The following NUP98 variants were observed in gnomAD, a reference collection of about 807,000 sequenced individuals.
NUP98 encodes the protein nucleoporin 98 and 96 precursor.
In NUP98, 26 loss-of-function variants were observed where a neutral mutation model predicts 191.9. That is an observed-to-expected ratio of 0.14 (90% confidence interval 0.10 to 0.19). The LOEUF is 0.19. Ranked by LOEUF, NUP98 falls within the 10% of genes least tolerant of loss-of-function variation. The pLI, the probability that NUP98 is intolerant of heterozygous loss-of-function variation, is 1.00. For synonymous variants in NUP98, 808 were observed against 778.4 expected (o/e 1.04, Z -0.63); for missense variants, 1,941 against 2,178.8 (o/e 0.89, Z 2.17).
At chr11:3,723,714 C>T (rs866082863) in intron 15 of NUP98, among the ~76,000 whole-genome samples, 35 of 147,090 alleles carry the variant, frequency 2.4e-4, no homozygotes, top group African/African-American at 8.3e-4. Flanking sequence ...TTTAAGATTA[C>T]AATCAACAAA....
At chr11:3,748,351 G>A (rs2080589701) in intron 11 of NUP98, among the ~76,000 whole-genome samples, 1 of 152,162 alleles carries the variant, frequency 6.6e-6, no homozygotes, top group Non-Finnish European at 1.5e-5. Context: ...GGATCACGAG[G>A]TCAGGAGTTC....
Position 3,705,377 on chromosome 11 carries a change from G to A in NUP98, c.2926-21C>T, listed in dbSNP as rs772430161. On this transcript the variant is annotated intron_variant, in intron 21 of 32. Transcript: ENST00000324932. ...ATGATCTAAAAAGGCAATATCTATA[G>A]AATGAATGTGCTTCCCAGAATCAAA... The A allele has an allele frequency of 7.5e-6, 12 of 1,609,194 alleles. No homozygotes were observed. The African/African-American group carries it at 1.3e-4, about 18-fold the overall frequency.
chr11:3,699,469 C>G, intron 24 of NUP98, 121 bp from the exon 25 acceptor site: 1 of 1,051,374 alleles, frequency 9.5e-7, no homozygotes, highest in South Asian at 1.5e-5. Context: ...AACAACCACT[C>G]AAGCTGATTA....
intron 10 of NUP98, among the ~76,000 whole-genome samples, chr11:3,758,132 A>G (rs921938586): frequency 2.0e-5 from 3 of 151,840 alleles, no homozygotes; most frequent in African/African-American, 4.8e-5. Flanking sequence ...CCTGGCTAAC[A>G]TGGAGAAACC....
At chr11:3,774,796 GGT>G (rs2133918960) in intron 5 of NUP98, among the ~76,000 whole-genome samples, 1 of 152,174 alleles carries the variant, frequency 6.6e-6, no homozygotes, top group East Asian at 1.9e-4. Context: ...GATTCCTGCT[GGT>G]ATTGCCAGTT....
chr11:3,700,007 G>C (rs953551974), intron 24 of NUP98, among the ~76,000 whole-genome samples: 2 of 152,218 alleles, frequency 1.3e-5, no homozygotes, highest in African/African-American at 4.8e-5. Context: ...CAACAAAGCT[G>C]TTGAGAAGAC....
chr11:3,726,227 A>G (rs931073422), intron 14 of NUP98, among the ~76,000 whole-genome samples: 1 of 152,188 alleles, frequency 6.6e-6, no homozygotes, highest in Non-Finnish European at 1.5e-5. Context: ...AAAAGAGTTG[A>G]ACTAAAAGGA....
intron 23 of NUP98, 150 bp downstream of exon 23, chr11:3,702,313 A>ACTCTCTCTCTCTCT (rs71041375): frequency 3.4e-5 from 12 of 349,240 alleles, no homozygotes; most frequent in South Asian, 6.0e-5. Flanking sequence ...ACACACACAC[A>ACTCTCTCTCTCTCT]CTCTCTCTCT....
chr11:3,790,201 C>A (rs1444174291), intron 1 of NUP98, among the ~76,000 whole-genome samples: 1 of 152,152 alleles, frequency 6.6e-6, no homozygotes, highest in Non-Finnish European at 1.5e-5. Flanking sequence ...TGAACTGTTC[C>A]CTTCACGAAC....
chr11:3,759,504 G>A (rs2081091904), intron 10 of NUP98, among the ~76,000 whole-genome samples: 1 of 152,102 alleles, frequency 6.6e-6, no homozygotes, highest in African/African-American at 2.4e-5. Context: ...GGCTGAGGCA[G>A]GAGAATCGCT....
intron 18 of NUP98, among the ~76,000 whole-genome samples, chr11:3,719,075 A>G (rs1255659956): frequency 6.6e-6 from 1 of 151,804 alleles, no homozygotes; most frequent in Non-Finnish European, 1.5e-5. Context: ...AACTGACATC[A>G]TTCCACTGCG....
intron 28 of NUP98, among the ~76,000 whole-genome samples, chr11:3,688,592 C>T (rs1233672345): frequency 3.3e-5 from 5 of 150,736 alleles, no homozygotes; most frequent in South Asian, 2.1e-4. Flanking sequence ...GTCAGGAGTT[C>T]GAGACCAGCC....
At chr11:3,747,235 TC>T (rs1173695701) in intron 11 of NUP98, among the ~76,000 whole-genome samples, 3 of 152,136 alleles carry the variant, frequency 2.0e-5, no homozygotes, top group African/African-American at 7.2e-5. Flanking sequence ...CCTTAGAAAC[TC>T]CAAAGAAAAT....
chr11:3,768,763 A>G lies in NUP98; in HGVS notation c.785-19T>C, dbSNP rs776500573. The G allele has an allele frequency of 3.4e-6, 3 of 885,566 alleles. No individual in the cohort carries two copies. In the South Asian group the frequency reaches 9.2e-5, roughly 27 times the overall value. 54.9% of individuals were successfully genotyped at this position (885,566 alleles called of 1,614,324 possible). ...GTTGTACCTTTTAGGAAAAAGAAAA[A>G]AAAAAGAAAAAAGAAATAATAAAAA... On this transcript the variant is annotated intron_variant, in intron 7 of 32. Coordinates refer to ENST00000324932, the MANE Select transcript of NUP98 (RefSeq NM_016320.5).
Position 3,782,008 on chromosome 11 carries a change from G to T in NUP98, c.76+34C>A, listed in dbSNP as rs375839557. The stretch of plus-strand genomic sequence containing the variant: ...TTTGTTCTTAGTAAGGGAGATTAAG[G>T]TTTCTCCCTCTTTTGTCCTTTTTAA... On this transcript the variant is annotated intron_variant, in intron 2 of 32. Coordinates refer to ENST00000324932, the MANE Select transcript of NUP98 (RefSeq NM_016320.5). 9.6e-6 allele frequency: 14 copies of T among 1,465,794 alleles called. No individual in the cohort carries two copies. The Admixed American group carries it at 2.3e-4, about 24-fold the overall frequency. 90.8% of individuals were successfully genotyped at this position (1,465,794 alleles called of 1,614,324 possible). A position where few individuals can be genotyped will look rare whatever the true frequency, so the allele number is the denominator to read the frequency against.
chr11:3,723,458 G>A lies in NUP98; in HGVS notation c.1848-3C>T. On this transcript the variant is annotated splice_region_variant and splice_polypyrimidine_tract_variant and intron_variant, in intron 15 of 32. Coordinates refer to ENST00000324932, the MANE Select transcript of NUP98 (RefSeq NM_016320.5). ...CAGGTTTGCTTAGGAAACTAAATCT[G>A]CAAAGGAAAAGAAATAATACCTTAG... 4 of 1,612,076 alleles carry A rather than the reference G, an allele frequency of 2.5e-6. No homozygotes were observed. Among genetic ancestry groups the A allele is most frequent in the Non-Finnish European group, 3.4e-6 (4 of 1,178,604 alleles).
Position 3,760,777 on chromosome 11 carries a change from G to C in NUP98, c.1087-151C>G, listed in dbSNP as rs764043361. The C allele has an allele frequency of 3.1e-4, 184 of 594,410 alleles. No individual in the cohort carries two copies. In the African/African-American group the frequency reaches 3.2e-3, roughly 10 times the overall value. 36.8% of individuals were successfully genotyped at this position (594,410 alleles called of 1,614,324 possible). On this transcript the variant is annotated intron_variant, in intron 9 of 32. Coordinates refer to ENST00000324932, the MANE Select transcript of NUP98 (RefSeq NM_016320.5). ...AAAGGTAGAAAAAAGATGAATAAAG[G>C]CTATCAAAAAATAATCTGGGCAAGA...
chr11:3,675,920 A>G lies in NUP98; in HGVS notation c.*239T>C. 1.8e-6 allele frequency: 1 copy of G among 542,866 alleles called. No individual in the cohort carries two copies. Among genetic ancestry groups the G allele is most frequent in the Non-Finnish European group, 3.3e-6 (1 of 304,422 alleles). The allele number at this position is 542,866 out of a possible 1,614,324, so 33.6% of individuals were successfully genotyped here. The stretch of plus-strand genomic sequence containing the variant: ...TATTGACCATTTTTTTAAAGGAAAA[A>G]CACTGAATGATCTTGAGGATGGTAA... On this transcript the variant is annotated 3_prime_UTR_variant, in exon 33 of 33. Coordinates refer to ENST00000324932, the MANE Select transcript of NUP98 (RefSeq NM_016320.5).
At chr11:3,706,748 T>C in intron 20 of NUP98, 121 bp from the exon 21 acceptor site, 2 of 954,456 alleles carry the variant, frequency 2.1e-6, no homozygotes, top group African/African-American at 1.6e-5. Context: ...GCCCATTCTA[T>C]GGTGAGGTAA....
Sources: gnomAD v4.1 joint callset for allele counts (sites outside exome capture counted in the v4.1 genomes callset) on GRCh38, gnomAD v4.1.1 for gene constraint, MANE v1.5 for transcripts, NCBI Gene and HGNC (gene_info 2026-07-23, HGNC 2026-07-21) for gene names.